Variants in MAPT observed in about 807,000 individuals in gnomAD.
The protein encoded by MAPT is microtubule associated protein tau.
MAPT carries 34 observed loss-of-function variants against 67.9 expected under a neutral mutation model. The ratio of observed to expected loss-of-function variants is 0.50; its 90% CI spans 0.38 to 0.67. MAPT has a LOEUF of 0.67. MAPT is among the 30% of genes least tolerant of loss of function. The probability of loss-of-function intolerance (pLI) is 0.00; values close to 1 mark genes in which losing one functional copy is unlikely to be tolerated. For synonymous variants in MAPT, 456 were observed against 464.5 expected (o/e 0.98, Z 0.23); for missense variants, 881 against 1,115.2 (o/e 0.79, Z 2.99).
intron 1 of MAPT, among the ~76,000 whole-genome samples, chr17:45,959,192 T>C (rs535167100): frequency 2.8e-4 from 43 of 152,336 alleles, no homozygotes; most frequent in Non-Finnish European, 6.0e-4. Flanking sequence ...ACTTCCCGTA[T>C]GTTCCCTGCC....
chr17:45,921,617 T>C (rs2144415996), intron 1 of MAPT, among the ~76,000 whole-genome samples: 1 of 152,312 alleles, frequency 6.6e-6, no homozygotes, highest in South Asian at 2.1e-4. Context: ...TGCAGGCCCA[T>C]TGTGGCCAGA....
intron 1 of MAPT, among the ~76,000 whole-genome samples, chr17:45,942,580 C>CT (rs2144945897): frequency 6.6e-6 from 1 of 152,360 alleles, no homozygotes; most frequent in African/African-American, 2.4e-5. Context: ...CTCCAGGCGC[C>CT]TCTCCAAATT....
chr17:45,982,117 A>T (rs186541979), intron 4 of MAPT, among the ~76,000 whole-genome samples: 177 of 151,178 alleles, frequency 1.2e-3, no homozygotes, highest in Non-Finnish European at 2.0e-3. Flanking sequence ...AGGTCAGGAG[A>T]TCAAGACTAT....
intron 1 of MAPT, among the ~76,000 whole-genome samples, chr17:45,945,123 G>A (rs2068353129): frequency 6.6e-6 from 1 of 152,194 alleles, no homozygotes; most frequent in East Asian, 1.9e-4. Context: ...TGATTGGTTG[G>A]TGGAGGTCTC....
intron 2 of MAPT, among the ~76,000 whole-genome samples, chr17:45,964,369 CCT>C (rs1176686472): frequency 1.6e-4 from 20 of 126,746 alleles, no homozygotes; most frequent in East Asian, 2.6e-4. Flanking sequence ...CCCCCCACCC[CCT>C]GTTTTCTCCT....
chr17:45,912,053 G>C (rs1434541385), intron 1 of MAPT, among the ~76,000 whole-genome samples: 1 of 152,200 alleles, frequency 6.6e-6, no homozygotes, highest in Non-Finnish European at 1.5e-5. Context: ...GATGAACAGG[G>C]CTGGGTCTGT....
At chr17:46,004,655 G>A (rs560538064) in intron 9 of MAPT, among the ~76,000 whole-genome samples, 20 of 152,244 alleles carry the variant, frequency 1.3e-4, no homozygotes, top group South Asian at 1.2e-3. Context: ...TGTGACAATT[G>A]GCAGTAGTTC....
rs956120517 is a variant in MAPT at position 45,971,676 on chromosome 17, G to A, written c.134-183G>A. 6.6e-6 allele frequency among the ~76,000 whole-genome samples: 1 copy of A among 152,168 alleles called. No individual in the cohort carries two copies. On this transcript the variant is annotated intron_variant, in intron 2 of 12. Coordinates refer to ENST00000262410, the MANE Select transcript of MAPT (RefSeq NM_001377265.1). The surrounding 1 kb of genome is among the most constrained non-coding windows in gnomAD (Gnocchi z 4.3). The stretch of plus-strand genomic sequence containing the variant: ...GATGGCCCTGGTGTGGGGCACAGTC[G>A]TGTTGGCAGGGAGGGAGGTGGGGTT...
intron 1 of MAPT, chr17:45,898,413 T>C (rs1300534838): frequency 2.0e-5 from 3 of 152,248 alleles, no homozygotes; most frequent in Non-Finnish European, 1.5e-5. Context: ...AGGTTAGATT[T>C]ATTCCGGTTG....
intron 1 of MAPT, among the ~76,000 whole-genome samples, chr17:45,951,221 C>T (rs190081664): frequency 1.1e-4 from 16 of 152,286 alleles, no homozygotes; most frequent in Non-Finnish European, 1.8e-4. Context: ...GGGGGAGCAG[C>T]TGTCTATGAG....
intron 2 of MAPT, among the ~76,000 whole-genome samples, chr17:45,964,681 A>AAAT (rs1471927466): frequency 2.6e-5 from 4 of 151,450 alleles, no homozygotes; most frequent in South Asian, 2.1e-4. Flanking sequence ...CCCCCATGTC[A>AAAT]AATAATAATA....
At chr17:46,009,050 T>A (rs2075643007) in intron 9 of MAPT, among the ~76,000 whole-genome samples, 2 of 151,990 alleles carry the variant, frequency 1.3e-5, no homozygotes, top group South Asian at 2.1e-4. Flanking sequence ...ATACAAAAAA[T>A]TTGCCAGGTG....
chr17:45,917,923 C>T (rs1392380939), intron 1 of MAPT, among the ~76,000 whole-genome samples: 3 of 152,172 alleles, frequency 2.0e-5, no homozygotes, highest in African/African-American at 7.2e-5. Flanking sequence ...CAGGTGCGCA[C>T]CACCATGCCC....
At chr17:45,963,552 G>C (rs533900516) in intron 2 of MAPT, among the ~76,000 whole-genome samples, 2 of 152,306 alleles carry the variant, frequency 1.3e-5, no homozygotes, top group South Asian at 4.2e-4. Flanking sequence ...AGGGCAGGAT[G>C]GACTCAGTCC....
intron 9 of MAPT, among the ~76,000 whole-genome samples, chr17:46,002,670 C>T (rs2075098344): frequency 6.6e-6 from 1 of 151,328 alleles, no homozygotes. Context: ...GCTTTGAAAG[C>T]CTTGGGGCGG....
At position 45,896,466 on chromosome 17, in the gene MAPT, G is replaced by A. The variant is rs1338570264; in HGVS notation, c.-18+1780G>A. ...AGGGGCATAAGGTTACTGGTGCTTCGGCCACACCCATCTTTCTGAGCCCAC... is the reference window on the plus strand; with the variant it reads ...AGGGGCATAAGGTTACTGGTGCTTCAGCCACACCCATCTTTCTGAGCCCAC... On this transcript the variant is annotated intron_variant, in intron 1 of 12. Coordinates refer to ENST00000262410, the MANE Select transcript of MAPT (RefSeq NM_001377265.1). The surrounding 1 kb of genome is among the most constrained non-coding windows in gnomAD (Gnocchi z 5.6). 6.6e-6 allele frequency: 1 copy of A among 152,252 alleles called. No individual in the cohort carries two copies. The highest frequency in any genetic ancestry group is 2.4e-5 in the African/African-American group (1 of 41,442). 9.4% of individuals were successfully genotyped at this position (152,252 alleles called of 1,614,324 possible). A position where few individuals can be genotyped will look rare whatever the true frequency, so the allele number is the denominator to read the frequency against.
chr17:45,947,793 TC>T (rs1217371833), intron 1 of MAPT, among the ~76,000 whole-genome samples: 11 of 152,202 alleles, frequency 7.2e-5, no homozygotes, highest in South Asian at 2.1e-4. Context: ...TCCTCGTCTT[TC>T]CCCTTAACCC....
intron 1 of MAPT, among the ~76,000 whole-genome samples, chr17:45,903,575 C>T (rs918146812): frequency 5.4e-5 from 8 of 149,028 alleles, no homozygotes; most frequent in East Asian, 2.0e-4. Flanking sequence ...ATTAGCCGGG[C>T]GTGGTGGCGG....
chr17:45,989,902 A>G lies in MAPT; in HGVS notation c.1432A>G (p.Thr478Ala). The G allele has an allele frequency of 1.9e-6, 3 of 1,614,066 alleles. No individual in the cohort carries two copies. Among genetic ancestry groups the G allele is most frequent in the Non-Finnish European group, 1.7e-6 (2 of 1,179,996 alleles). The change falls in exon 7 of 13, where the codon ACC (threonine) becomes GCC (alanine). Residue 478 changes from threonine (T) to alanine (A), a missense_variant. Thr to Ala is a moderately conservative substitution (Grantham distance 58, BLOSUM62 0). Coordinates refer to ENST00000262410, the MANE Select transcript of MAPT (RefSeq NM_001377265.1). ...AKTSTRSSAK[T>A]LKNRPCLSPK... ...GACATCCACACGTTCCTCTGCTAAA[A>G]CCTTGAAAAATAGGCCTTGCCTTAG...
Sources: allele counts gnomAD v4.1 joint callset (sites outside exome capture counted in the v4.1 genomes callset), GRCh38; gene constraint gnomAD v4.1.1; non-coding constraint Gnocchi (gnomAD v3.1); transcripts MANE v1.5; gene names NCBI Gene and HGNC (gene_info 2026-07-23, HGNC 2026-07-21).